Variants in DGKI observed in about 807,000 individuals in gnomAD.
DGKI encodes diacylglycerol kinase iota.
A neutral mutation model predicts 147.5 loss-of-function variants in DGKI; 55 were observed. That is an observed-to-expected ratio of 0.37 (90% confidence interval 0.30 to 0.47). DGKI has a LOEUF of 0.47. Ranked by LOEUF, DGKI falls within the 20% of genes least tolerant of loss-of-function variation. The pLI is 1.00. For synonymous variants in DGKI, 469 were observed against 477.1 expected (o/e 0.98, Z 0.22); for missense variants, 1,007 against 1,323.8 (o/e 0.76, Z 3.71).
intron 15 of DGKI, among the ~76,000 whole-genome samples, chr7:137,579,290 C>T (rs1266027721): frequency 1.3e-5 from 2 of 151,958 alleles, no homozygotes; most frequent in Non-Finnish European, 2.9e-5. Context: ...TGAGAACAGC[C>T]ACTCACTATC....
chr7:137,584,244 T>G (rs1184065829), intron 14 of DGKI, among the ~76,000 whole-genome samples: 1 of 152,196 alleles, frequency 6.6e-6, no homozygotes, highest in African/African-American at 2.4e-5. Flanking sequence ...TGACTGGGCC[T>G]TGTAATCTGC....
At position 137,497,108 on chromosome 7, in the gene DGKI, C is replaced by CA. The variant is rs57051537; in HGVS notation, c.2249-9420dup. Among the ~76,000 whole-genome samples, 344 of 123,122 alleles carry CA rather than the reference C, an allele frequency of 2.8e-3. 3 individuals are homozygous for CA. The highest frequency in any genetic ancestry group is 0.013 in the South Asian group (53 of 3,976). The allele number at this position is 123,122 out of a possible 152,430, so 80.8% of individuals were successfully genotyped here. A position where few individuals can be genotyped will look rare whatever the true frequency, so the allele number is the denominator to read the frequency against. On this transcript the variant is annotated intron_variant, in intron 21 of 32. Coordinates refer to ENST00000614521, the MANE Select transcript of DGKI (RefSeq NM_001321708.2). ...CCTATAAAGAACTTAAACAAATTTA[C>CA]AAAAAAAAAAAAAGTGGGCAAAAGA...
intron 24 of DGKI, among the ~76,000 whole-genome samples, chr7:137,467,968 A>C (rs986300611): frequency 6.6e-6 from 1 of 151,522 alleles, no homozygotes; most frequent in African/African-American, 2.4e-5. Context: ...TGGGCAACAG[A>C]GTCAGACTCC....
At chr7:137,638,712 A>T (rs1821510118) in intron 6 of DGKI, among the ~76,000 whole-genome samples, 1 of 142,594 alleles carries the variant, frequency 7.0e-6, no homozygotes, top group African/African-American at 2.5e-5. Flanking sequence ...ACGCACATAG[A>T]TATACATATA....
intron 1 of DGKI, among the ~76,000 whole-genome samples, chr7:137,706,578 TA>T (rs201472356): frequency 8.7e-5 from 13 of 150,196 alleles, no homozygotes; most frequent in Non-Finnish European, 1.3e-4. Flanking sequence ...TTTTTATTTT[TA>T]TTTTTTTTTT....
chr7:137,422,389 T>A (rs1812607142), intron 28 of DGKI, among the ~76,000 whole-genome samples: 1 of 152,150 alleles, frequency 6.6e-6, no homozygotes, highest in Non-Finnish European at 1.5e-5. Context: ...TATCATCACC[T>A]TTGGATGTAA....
At chr7:137,815,487 G>A (rs532208512) in intron 1 of DGKI, among the ~76,000 whole-genome samples, 16 of 152,330 alleles carry the variant, frequency 1.1e-4, no homozygotes, top group African/African-American at 3.8e-4. Flanking sequence ...TTCTTTTGAT[G>A]TGGGTTACAA....
intron 19 of DGKI, among the ~76,000 whole-genome samples, chr7:137,554,750 C>T (rs1048091405): frequency 6.6e-5 from 10 of 151,858 alleles, no homozygotes; most frequent in African/African-American, 1.7e-4. Context: ...CTCACCGCCA[C>T]TATCAGCCCC....
At chr7:137,552,809 G>A (rs1034912960) in intron 19 of DGKI, among the ~76,000 whole-genome samples, 1 of 151,710 alleles carries the variant, frequency 6.6e-6, no homozygotes, top group African/African-American at 2.4e-5. Flanking sequence ...CAGCTACTTA[G>A]GAGGCTGAGG....
rs781170706 is a variant in DGKI at position 137,571,292 on chromosome 7, A to C, written c.1836-6T>G. The C allele has an allele frequency of 1.9e-6, 3 of 1,601,578 alleles. No individual in the cohort carries two copies. The highest frequency in any genetic ancestry group is 2.2e-5 in the South Asian group (2 of 89,558). ...GCATTGTGCCAGCACAATATCTGCA[A>C]GAGAAGATTAAAGACAGAAGTAAAT... On this transcript the variant is annotated splice_polypyrimidine_tract_variant and splice_region_variant and intron_variant, in intron 18 of 32. Coordinates refer to ENST00000614521, the MANE Select transcript of DGKI (RefSeq NM_001321708.2).
At chr7:137,777,166 C>A (rs943368050) in intron 1 of DGKI, among the ~76,000 whole-genome samples, 4 of 152,186 alleles carry the variant, frequency 2.6e-5, no homozygotes, top group Admixed American at 2.6e-4. Flanking sequence ...AGCTTCAGCC[C>A]AGGCGACAGA....
intron 2 of DGKI, among the ~76,000 whole-genome samples, chr7:137,687,887 G>T (rs1037976624): frequency 6.6e-5 from 10 of 152,108 alleles, no homozygotes; most frequent in Admixed American, 5.2e-4. Context: ...TCAAAGAAAA[G>T]GGGAGAAGAG....
rs756089393 is a variant in DGKI, at chr7:137,391,271, G to A, written c.3123C>T (p.Ser1041=). 122 of 1,613,578 alleles carry A rather than the reference G, an allele frequency of 7.6e-5. No homozygotes were observed. The highest frequency in any genetic ancestry group is 1.0e-4 in the Admixed American group (6 of 59,972). ...GDPDLAAYLE[S]RQNYKVIGHE... ...GGCCAATGACCTTATAGTTCTGACGGCTTTCTAGGTAAGCAGCCAAGTCTG... is the reference window on the plus strand; with the variant it reads ...GGCCAATGACCTTATAGTTCTGACGACTTTCTAGGTAAGCAGCCAAGTCTG... Residue 1041 remains serine (S), a synonymous_variant, in exon 33 of 33, where the codon AGC becomes AGT. Coordinates refer to ENST00000614521, the MANE Select transcript of DGKI (RefSeq NM_001321708.2).
chr7:137,669,302 C>A (rs2080049590), intron 3 of DGKI, among the ~76,000 whole-genome samples: 1 of 152,162 alleles, frequency 6.6e-6, no homozygotes, highest in Admixed American at 6.5e-5. Flanking sequence ...AGAGACAATA[C>A]CAACTTTGGG....
chr7:137,514,847 T>C (rs769675519), intron 21 of DGKI, among the ~76,000 whole-genome samples: 13 of 152,176 alleles, frequency 8.5e-5, no homozygotes, highest in Admixed American at 2.6e-4. Flanking sequence ...ATTTCCATCA[T>C]TGCAACCTGA....
At chr7:137,467,080 T>C (rs1188541455) in intron 24 of DGKI, 138 bp from the exon 25 acceptor site, 9 of 774,862 alleles carry the variant, frequency 1.2e-5, no homozygotes, top group Non-Finnish European at 1.7e-5. Context: ...CTAAATCTAT[T>C]AAGAAAACCT....
intron 1 of DGKI, among the ~76,000 whole-genome samples, chr7:137,781,316 C>A (rs369604391): frequency 6.6e-6 from 1 of 152,052 alleles, no homozygotes; most frequent in Non-Finnish European, 1.5e-5. Context: ...GATATGAGAC[C>A]CTTAGCAATG....
chr7:137,490,718 CTA>C (rs780576431), intron 21 of DGKI, among the ~76,000 whole-genome samples: 3 of 152,198 alleles, frequency 2.0e-5, no homozygotes, highest in Non-Finnish European at 4.4e-5. Context: ...GACATTTCCT[CTA>C]TTTTACTTAG....
rs1820823978 is a variant in DGKI at position 137,623,490 on chromosome 7, T to C, written c.869A>G (p.Lys290Arg). 1.9e-6 allele frequency: 3 copies of C among 1,613,822 alleles called. No individual in the cohort carries two copies. The African/African-American group carries it at 4.0e-5, about 22-fold the overall frequency. Residue 290 changes from lysine (K) to arginine (R), a missense_variant, in exon 7 of 33, where the codon AAG (lysine) becomes AGG (arginine). Coordinates refer to ENST00000614521, the MANE Select transcript of DGKI (RefSeq NM_001321708.2). ...ATTTCATCCCAATCTTACCGCCTGCTTGCACCAGGAACAGCTGATAGCCAC... is the reference window on the plus strand; with the variant it reads ...ATTTCATCCCAATCTTACCGCCTGCCTGCACCAGGAACAGCTGATAGCCAC... ...EIVAISCSWC[K>R]QAFHNKVTCF... is the part of the protein sequence containing the mutation.
Sources: gnomAD v4.1 joint callset for allele counts (sites outside exome capture counted in the v4.1 genomes callset) on GRCh38, gnomAD v4.1.1 for gene constraint, MANE v1.5 for transcripts, NCBI Gene and HGNC (gene_info 2026-07-23, HGNC 2026-07-21) for gene names.